DTNA: variants seen among roughly 807,000 people sequenced by gnomAD.
The protein encoded by DTNA is dystrobrevin alpha.
DTNA carries 43 observed loss-of-function variants against 100.7 expected under a neutral mutation model. The observed-to-expected ratio is 0.43, with a 90% CI of 0.33 to 0.55. The LOEUF (loss-of-function observed/expected upper bound fraction) is 0.55. DTNA is among the 20% of genes least tolerant of loss of function. The pLI is 0.04. For synonymous variants in DTNA, 349 were observed against 347.9 expected (o/e 1.00, Z -0.04); for missense variants, 798 against 953.9 (o/e 0.84, Z 2.15).
intron 3 of DTNA, among the ~76,000 whole-genome samples, chr18:34,792,899 G>A (rs567014963): frequency 9.2e-5 from 14 of 152,120 alleles, no homozygotes; most frequent in South Asian, 4.2e-4. Context: ...AGACTTGTAC[G>A]TGATTGTTCA....
At chr18:34,787,517 A>T (rs899992542) in intron 3 of DTNA, among the ~76,000 whole-genome samples, 36 of 152,172 alleles carry the variant, frequency 2.4e-4, no homozygotes, top group African/African-American at 8.2e-4. Context: ...CCCATATTTT[A>T]TCTAACTTAT....
At chr18:34,755,496 C>T (rs558429081) in intron 1 of DTNA, 1 of 171,700 alleles carries the variant, frequency 5.8e-6, no homozygotes, top group African/African-American at 2.4e-5. Flanking sequence ...TAAGGGACAA[C>T]TGGCAACAGG....
intron 1 of DTNA, among the ~76,000 whole-genome samples, chr18:34,750,229 G>A (rs559565445): frequency 3.9e-5 from 6 of 152,244 alleles, no homozygotes; most frequent in South Asian, 4.2e-4. Flanking sequence ...TTTTAATTGC[G>A]AGACTGTGAA....
intron 8 of DTNA, chr18:34,818,631 A>G (rs1025019262): frequency 3.6e-5 from 43 of 1,184,228 alleles, no homozygotes; most frequent in Admixed American, 2.3e-4. Flanking sequence ...CTTCTGGAAC[A>G]TAATCTTACA....
At chr18:34,766,743 T>G (rs1275487287) in intron 3 of DTNA, among the ~76,000 whole-genome samples, 2 of 152,222 alleles carry the variant, frequency 1.3e-5, no homozygotes, top group African/African-American at 4.8e-5. Context: ...CCCCTTATAT[T>G]TGTATTTTCT....
intron 13 of DTNA, among the ~76,000 whole-genome samples, chr18:34,839,240 T>C (rs2096218846): frequency 6.6e-6 from 1 of 152,196 alleles, no homozygotes; most frequent in Non-Finnish European, 1.5e-5. Flanking sequence ...TTCATTTTAC[T>C]TAAGAGTGAA....
intron 1 of DTNA, among the ~76,000 whole-genome samples, chr18:34,627,814 T>C (rs757207119): frequency 9.2e-5 from 14 of 152,236 alleles, no homozygotes; most frequent in Non-Finnish European, 1.9e-4. Flanking sequence ...GGGCAAAATA[T>C]GAAAGATTTT....
At chr18:34,602,980 G>T (rs950886162) in intron 1 of DTNA, among the ~76,000 whole-genome samples, 1 of 151,478 alleles carries the variant, frequency 6.6e-6, no homozygotes, top group Admixed American at 6.6e-5. Context: ...TCCAGCCCGG[G>T]CGACAGTGTG....
chr18:34,799,911 C>T (rs1280256388), intron 4 of DTNA, among the ~76,000 whole-genome samples: 2 of 152,214 alleles, frequency 1.3e-5, no homozygotes, highest in African/African-American at 2.4e-5. Flanking sequence ...CCTGCCCCGG[C>T]GCTATAAGGA....
chr18:34,606,409 T>TA (rs1456948557), intron 1 of DTNA, among the ~76,000 whole-genome samples: 1 of 152,170 alleles, frequency 6.6e-6, no homozygotes, highest in Non-Finnish European at 1.5e-5. Context: ...AATGAGAAAC[T>TA]AGCAATGTGT....
intron 1 of DTNA, among the ~76,000 whole-genome samples, chr18:34,692,873 T>C (rs2079975927): frequency 1.3e-5 from 2 of 152,238 alleles, no homozygotes; most frequent in South Asian, 2.1e-4. Flanking sequence ...CTTTCTTTTT[T>C]CTCCTTAAGA....
At chr18:34,799,765 G>A (rs1461860909) in intron 4 of DTNA, among the ~76,000 whole-genome samples, 2 of 152,164 alleles carry the variant, frequency 1.3e-5, no homozygotes, top group African/African-American at 2.4e-5. Flanking sequence ...ATATCCTAAT[G>A]TCACTCGTTG....
At chr18:34,636,367 G>A (rs145605911) in intron 1 of DTNA, among the ~76,000 whole-genome samples, 27 of 152,156 alleles carry the variant, frequency 1.8e-4, no homozygotes, top group East Asian at 3.9e-4. Context: ...CTCCTGCCTC[G>A]GCCTCCCAAA....
chr18:34,606,422 AT>A (rs1198845350), intron 1 of DTNA, among the ~76,000 whole-genome samples: 3 of 152,164 alleles, frequency 2.0e-5, no homozygotes, highest in Admixed American at 6.5e-5. Flanking sequence ...CAATGTGTCT[AT>A]TTTTTATAAT....
chr18:34,825,480 C>T (rs1405416406), intron 9 of DTNA, among the ~76,000 whole-genome samples: 1 of 152,178 alleles, frequency 6.6e-6, no homozygotes, highest in Non-Finnish European at 1.5e-5. Flanking sequence ...GACTTACTCT[C>T]TTTTGTGGAG....
At chr18:34,509,438 A>G (rs1003833199) in intron 1 of DTNA, among the ~76,000 whole-genome samples, 1 of 152,124 alleles carries the variant, frequency 6.6e-6, no homozygotes, top group Admixed American at 6.6e-5. Context: ...CTATTTATAA[A>G]CACAAAATGT....
chr18:34,534,726 G>A (rs1601584818), intron 1 of DTNA, among the ~76,000 whole-genome samples: 1 of 151,998 alleles, frequency 6.6e-6, no homozygotes, highest in African/African-American at 2.4e-5. Context: ...TCCCACTAAT[G>A]AGTGAGAATA....
intron 18 of DTNA, among the ~76,000 whole-genome samples, chr18:34,875,717 G>A (rs1481148837): frequency 6.6e-6 from 1 of 152,104 alleles, no homozygotes. Context: ...AATTCTTAGA[G>A]ATTTTCTTAT....
intron 1 of DTNA, among the ~76,000 whole-genome samples, chr18:34,531,667 A>C (rs762260826): frequency 6.6e-6 from 1 of 152,140 alleles, no homozygotes; most frequent in Non-Finnish European, 1.5e-5. Flanking sequence ...CAGTGTGAAC[A>C]CCACAGTTAG....
Sources: allele counts gnomAD v4.1 joint callset (sites outside exome capture counted in the v4.1 genomes callset), GRCh38; gene constraint gnomAD v4.1.1; transcripts MANE v1.5; gene names NCBI Gene and HGNC (gene_info 2026-07-23, HGNC 2026-07-21).